The following PRKN variants were observed in gnomAD, a reference collection of about 807,000 sequenced individuals.
PRKN encodes parkin RBR E3 ubiquitin protein ligase, also known as E3 ubiquitin-protein ligase parkin.
In PRKN, 56 loss-of-function variants were observed where a neutral mutation model predicts 59.5. The ratio of observed to expected loss-of-function variants is 0.94; its 90% CI spans 0.76 to 1.18. The LOEUF is 1.18. PRKN is among the 50% of genes most tolerant of loss of function. The pLI is 0.00. For missense variants in PRKN, 657 were observed against 596.4 expected, an observed-to-expected ratio of 1.10 and a Z score of -1.06; for synonymous variants, 250 against 222.1, an observed-to-expected ratio of 1.13 and a Z score of -1.12.
chr6:161,989,787 C>T (rs991609129), intron 5 of PRKN, among the ~76,000 whole-genome samples: 20 of 152,224 alleles, frequency 1.3e-4, no homozygotes, highest in African/African-American at 4.3e-4. Flanking sequence ...CTCAGCCTGC[C>T]GGTGCCCACA....
chr6:162,320,550 G>A (rs9356002), intron 2 of PRKN, among the ~76,000 whole-genome samples: 1 of 150,258 alleles, frequency 6.7e-6, no homozygotes, highest in Non-Finnish European at 1.5e-5. Context: ...AAACCATTAA[G>A]ACACCACTAC....
intron 9 of PRKN, among the ~76,000 whole-genome samples, chr6:161,521,217 G>A (rs1778808566): frequency 1.2e-5 from 1 of 85,160 alleles, no homozygotes; most frequent in African/African-American, 4.2e-5. Context: ...AAGAATAAGA[G>A]AGTGACAAAC....
intron 2 of PRKN, among the ~76,000 whole-genome samples, chr6:162,441,579 T>C (rs555761027): frequency 6.6e-6 from 1 of 152,322 alleles, no homozygotes; most frequent in African/African-American, 2.4e-5. Flanking sequence ...CAACATGAAA[T>C]TGTTGAACCT....
intron 9 of PRKN, among the ~76,000 whole-genome samples, chr6:161,411,343 A>G (rs1787531921): frequency 1.3e-5 from 2 of 152,154 alleles, no homozygotes; most frequent in South Asian, 4.1e-4. Context: ...GGTCCCCTGC[A>G]TATGCTCTCT....
chr6:162,271,559 G>T (rs1214673272), intron 2 of PRKN: 13 of 151,876 alleles, frequency 8.6e-5, no homozygotes, highest in Admixed American at 4.6e-4. Context: ...AAAAAAAAAG[G>T]TGTTATTTAA....
At chr6:162,631,539 T>G (rs1278764262) in intron 1 of PRKN, among the ~76,000 whole-genome samples, 1 of 152,124 alleles carries the variant, frequency 6.6e-6, no homozygotes, top group East Asian at 1.9e-4. Context: ...AAATTTTTTT[T>G]ATTGTGTTTT....
chr6:161,535,956 G>GT (rs1245318639), intron 9 of PRKN, among the ~76,000 whole-genome samples: 2 of 15,716 alleles, frequency 1.3e-4, no homozygotes, highest in Admixed American at 9.6e-4. Context: ...GGAACAAAAA[G>GT]ATTTTTTTTT....
chr6:162,236,867 A>AG (rs1330933893), intron 3 of PRKN, among the ~76,000 whole-genome samples: 1 of 151,584 alleles, frequency 6.6e-6, no homozygotes, highest in Admixed American at 6.6e-5. Flanking sequence ...GGAAAGAGAG[A>AG]GAAAGAATGG....
chr6:161,379,583 G>A lies in PRKN; in HGVS notation c.1167+7211C>T, dbSNP rs1316151190. ...ACAGCTCTCTGCCAAGTCTCTACCC[G>A]GGAAGTGCCCCCAGCTGAAGAAAGC... On this transcript the variant is annotated intron_variant, in intron 10 of 11. Coordinates refer to ENST00000366898, the MANE Select transcript of PRKN (RefSeq NM_004562.3). This position sits in a 1 kb window ranked among gnomAD's most constrained non-coding sequence, Gnocchi z 4.9. 2.6e-5 allele frequency among the ~76,000 whole-genome samples: 4 copies of A among 152,156 alleles called. No individual in the cohort carries two copies. Among genetic ancestry groups the A allele is most frequent in the Non-Finnish European group, 4.4e-5 (3 of 68,020 alleles).
intron 5 of PRKN, among the ~76,000 whole-genome samples, chr6:161,998,303 T>C (rs1235988925): frequency 6.6e-6 from 1 of 152,102 alleles, no homozygotes; most frequent in African/African-American, 2.4e-5. Context: ...TCTTTATTCG[T>C]GCTATGATGG....
rs966571864 is a variant in PRKN, at chr6:161,414,031, C to T, written c.1084-27154G>A. ...CCAGGCAGAGCGGTGGGACGTGAAA[C>T]TCCTCGACAGCACTGTGTCCTGGGC... On this transcript the variant is annotated intron_variant, in intron 9 of 11. Coordinates refer to ENST00000366898, the MANE Select transcript of PRKN (RefSeq NM_004562.3). This position sits in a 1 kb window ranked among gnomAD's most constrained non-coding sequence, Gnocchi z 5.3. Among the ~76,000 whole-genome samples the T allele has an allele frequency of 1.3e-5, 2 of 152,144 alleles. No individual in the cohort carries two copies. Among genetic ancestry groups the T allele is most frequent in the Non-Finnish European group, 2.9e-5 (2 of 68,036 alleles).
chr6:161,851,478 G>A (rs1396877660), intron 6 of PRKN, among the ~76,000 whole-genome samples: 1 of 151,702 alleles, frequency 6.6e-6, no homozygotes, highest in African/African-American at 2.4e-5. Context: ...CACAAATAAT[G>A]TGTTTTGTTT....
intron 6 of PRKN, among the ~76,000 whole-genome samples, chr6:161,853,209 C>A (rs1007168598): frequency 3.9e-5 from 6 of 152,050 alleles, no homozygotes; most frequent in African/African-American, 1.4e-4. Flanking sequence ...AGAATGTGAT[C>A]TTTTACTGAA....
intron 6 of PRKN, among the ~76,000 whole-genome samples, chr6:161,882,352 G>A (rs912363980): frequency 6.6e-6 from 1 of 152,128 alleles, no homozygotes; most frequent in Non-Finnish European, 1.5e-5. Flanking sequence ...GGGCGGGGGC[G>A]TGCGGTGCAA....
At chr6:162,185,409 CT>C (rs1685776968) in intron 4 of PRKN, among the ~76,000 whole-genome samples, 1 of 152,154 alleles carries the variant, frequency 6.6e-6, no homozygotes, top group Non-Finnish European at 1.5e-5. Flanking sequence ...AAACTTACGG[CT>C]GAATACCCTG....
chr6:162,065,243 A>C (rs1778280011), intron 4 of PRKN, among the ~76,000 whole-genome samples: 1 of 152,214 alleles, frequency 6.6e-6, no homozygotes, highest in Non-Finnish European at 1.5e-5. Context: ...CTGTGGCTGA[A>C]GACCTGAGAG....
intron 6 of PRKN, among the ~76,000 whole-genome samples, chr6:161,811,174 C>T (rs1791542812): frequency 6.6e-6 from 1 of 152,122 alleles, no homozygotes; most frequent in Non-Finnish European, 1.5e-5. Flanking sequence ...AGGCCTTAAA[C>T]TTCCTGATTT....
In PRKN at chr6:161,484,749, C is replaced by T. The variant is rs903915261; in HGVS notation, c.1083+64105G>A. On this transcript the variant is annotated intron_variant, in intron 9 of 11. Coordinates refer to ENST00000366898, the MANE Select transcript of PRKN (RefSeq NM_004562.3). This position sits in a 1 kb window ranked among gnomAD's most constrained non-coding sequence, Gnocchi z 4.9. ...TCTACCCGCTAGATGCTAGAAGCAT[C>T]CCCCTGTTGTGATGACCAAAACTAT... is the stretch of plus-strand genomic sequence containing the variant. 2.0e-5 allele frequency among the ~76,000 whole-genome samples: 3 copies of T among 152,148 alleles called. No homozygotes were observed. Among genetic ancestry groups the T allele is most frequent in the Admixed American group, 2.0e-4 (3 of 15,266 alleles).
chr6:161,838,814 G>A (rs773087006), intron 6 of PRKN, among the ~76,000 whole-genome samples: 21 of 152,184 alleles, frequency 1.4e-4, no homozygotes, highest in Non-Finnish European at 2.4e-4. Context: ...CTCGCCCTGC[G>A]CCAGGGCAGC....
Sources: gnomAD v4.1 joint callset for allele counts (sites outside exome capture counted in the v4.1 genomes callset) on GRCh38, gnomAD v4.1.1 for gene constraint, Gnocchi (gnomAD v3.1) non-coding constraint, MANE v1.5 for transcripts, NCBI Gene and HGNC (gene_info 2026-07-23, HGNC 2026-07-21) for gene names.